The following ERBB4 variants were observed in gnomAD, a reference collection of about 807,000 sequenced individuals.
ERBB4 encodes erb-b2 receptor tyrosine kinase 4.
A neutral mutation model predicts 158.0 loss-of-function variants in ERBB4; 42 were observed. The ratio of observed to expected loss-of-function variants is 0.27; its 90% CI spans 0.21 to 0.34. The LOEUF (loss-of-function observed/expected upper bound fraction) is 0.34, where lower values mean the gene tolerates loss of function less well. ERBB4 is among the 10% of genes least tolerant of loss of function. The probability of loss-of-function intolerance (pLI) is 1.00; values close to 1 mark genes in which losing one functional copy is unlikely to be tolerated. For synonymous variants in ERBB4, 583 were observed against 558.7 expected, an observed-to-expected ratio of 1.04 and a Z score of -0.61; for missense variants, 1,333 against 1,624.1, an observed-to-expected ratio of 0.82 and a Z score of 3.08.
At chr2:211,555,921 A>G (rs979468143) in intron 20 of ERBB4, among the ~76,000 whole-genome samples, 47 of 152,340 alleles carry the variant, frequency 3.1e-4, no homozygotes, top group African/African-American at 1.1e-3. Flanking sequence ...ACAAGTCTGC[A>G]TGATAACCAG....
chr2:212,467,920 T>A (rs1244264359), intron 1 of ERBB4, among the ~76,000 whole-genome samples: 1 of 152,206 alleles, frequency 6.6e-6, no homozygotes, highest in East Asian at 1.9e-4. Flanking sequence ...ACCATTGGAA[T>A]CTACCTCTTG....
chr2:212,214,776 T>C (rs577950480), intron 1 of ERBB4, among the ~76,000 whole-genome samples: 3 of 151,696 alleles, frequency 2.0e-5, no homozygotes, highest in Non-Finnish European at 4.4e-5. Context: ...AGAAATATTC[T>C]ATATGTGGGC....
At chr2:212,317,485 C>T (rs1223338657) in intron 1 of ERBB4, among the ~76,000 whole-genome samples, 1 of 151,642 alleles carries the variant, frequency 6.6e-6, no homozygotes. Context: ...TGAGTACCCA[C>T]AATCAGCATT....
At chr2:211,570,409 AC>A (rs1244483947) in intron 19 of ERBB4, among the ~76,000 whole-genome samples, 9 of 133,934 alleles carry the variant, frequency 6.7e-5, no homozygotes, top group Non-Finnish European at 1.1e-4. Flanking sequence ...CAAGTGATCC[AC>A]CCACCTTGGC....
At chr2:212,280,535 T>A (rs766056944) in intron 1 of ERBB4, among the ~76,000 whole-genome samples, 2 of 151,642 alleles carry the variant, frequency 1.3e-5, no homozygotes, top group African/African-American at 2.4e-5. Context: ...TAAGCCAAAT[T>A]TGGGCCAATC....
At chr2:212,255,278 G>T (rs975684404) in intron 1 of ERBB4, among the ~76,000 whole-genome samples, 3 of 152,102 alleles carry the variant, frequency 2.0e-5, no homozygotes, top group African/African-American at 7.2e-5. Context: ...GTGTATATAT[G>T]AAAGACAGTA....
At chr2:211,950,848 A>ATTT (rs2080856335) in intron 2 of ERBB4, among the ~76,000 whole-genome samples, 2 of 152,244 alleles carry the variant, frequency 1.3e-5, no homozygotes, top group African/African-American at 4.8e-5. Flanking sequence ...CACCGCGTGG[A>ATTT]AAAGTCTAGC....
At chr2:212,376,792 C>T (rs1305035045) in intron 1 of ERBB4, among the ~76,000 whole-genome samples, 1 of 151,910 alleles carries the variant, frequency 6.6e-6, no homozygotes, top group African/African-American at 2.4e-5. Flanking sequence ...TTGACCTTGA[C>T]GGAGATTATC....
In ERBB4 at chr2:211,582,518, T is replaced by G. The variant is rs544259721; in HGVS notation, c.2302-20430A>C. On this transcript the variant is annotated intron_variant, in intron 19 of 27. Coordinates refer to ENST00000342788, the MANE Select transcript of ERBB4 (RefSeq NM_005235.3). ...CTTTTGAAAGTTAAAAAATAAAAAT[T>G]TTAAATTATTAGAAAATGTTTCTGT... Among the ~76,000 whole-genome samples the G allele has an allele frequency of 2.6e-5, 4 of 152,276 alleles. No homozygotes were observed. In the South Asian group the frequency reaches 8.3e-4, roughly 32 times the overall value.
intron 1 of ERBB4, among the ~76,000 whole-genome samples, chr2:212,363,384 A>C (rs911257859): frequency 1.3e-5 from 2 of 151,546 alleles, no homozygotes; most frequent in African/African-American, 4.8e-5. Flanking sequence ...TGACAACAGA[A>C]TCATAGCTAC....
chr2:212,014,498 A>T (rs1433467294), intron 2 of ERBB4, among the ~76,000 whole-genome samples: 2 of 152,210 alleles, frequency 1.3e-5, no homozygotes, highest in African/African-American at 4.8e-5. Context: ...CTGTAGGTAG[A>T]TGCTAAAAAA....
chr2:211,876,257 G>A (rs990655870), intron 3 of ERBB4, among the ~76,000 whole-genome samples: 8 of 151,994 alleles, frequency 5.3e-5, no homozygotes, highest in African/African-American at 9.7e-5. Context: ...CCTTGCACAC[G>A]TCAGTAGGTA....
chr2:212,204,578 T>G lies in ERBB4; in HGVS notation c.83-79675A>C, dbSNP rs187137088. On this transcript the variant is annotated intron_variant, in intron 1 of 27. Coordinates refer to ENST00000342788, the MANE Select transcript of ERBB4 (RefSeq NM_005235.3). Reference sequence around the variant, plus strand: ...CCGGCTTCATGGTACATGCCTTTAGTCCCCGCTACTTGAGATGGGGAGGTA... The same window carrying G: ...CCGGCTTCATGGTACATGCCTTTAGGCCCCGCTACTTGAGATGGGGAGGTA... Among the ~76,000 whole-genome samples the G allele has an allele frequency of 5.6e-3, 843 of 151,750 alleles. 3 individuals are homozygous for G. Among genetic ancestry groups the G allele is most frequent in the Non-Finnish European group, 8.4e-3 (570 of 67,930 alleles).
intron 2 of ERBB4, among the ~76,000 whole-genome samples, chr2:212,059,269 C>A (rs2077681728): frequency 6.6e-6 from 1 of 152,138 alleles, no homozygotes; most frequent in African/African-American, 2.4e-5. Context: ...GAACAACAAA[C>A]CACTGCTCAA....
intron 1 of ERBB4, among the ~76,000 whole-genome samples, chr2:212,430,431 T>G (rs182599856): frequency 6.8e-6 from 1 of 147,662 alleles, no homozygotes; most frequent in Admixed American, 6.7e-5. Flanking sequence ...TTACTTCGCA[T>G]GTTGGTTTTT....
chr2:211,480,532 C>T lies in ERBB4; in HGVS notation c.2488-49432G>A, dbSNP rs575711074. 4.6e-5 allele frequency among the ~76,000 whole-genome samples: 7 copies of T among 152,182 alleles called. No individual in the cohort carries two copies. In the South Asian group the frequency reaches 6.2e-4, roughly 14 times the overall value. ...CCTTCTTTCGTGATTGTAAGTTTCC[C>T]GAGTCCTCCCCAGATATGCTGCCTG... On this transcript the variant is annotated intron_variant, in intron 20 of 27. Transcript: ENST00000342788.
intron 7 of ERBB4, among the ~76,000 whole-genome samples, chr2:211,714,149 C>T (rs540838526): frequency 3.8e-4 from 58 of 152,122 alleles, no homozygotes; most frequent in Middle Eastern, 3.4e-3. Flanking sequence ...TACGAAGAAA[C>T]GAAATAAAAT....
chr2:212,438,713 T>C (rs923197579), intron 1 of ERBB4, among the ~76,000 whole-genome samples: 2 of 152,146 alleles, frequency 1.3e-5, no homozygotes. Context: ...CCCGTTAATC[T>C]GTATATTTAA....
intron 3 of ERBB4, among the ~76,000 whole-genome samples, chr2:211,820,750 C>T (rs1054138044): frequency 1.6e-4 from 25 of 151,824 alleles, no homozygotes; most frequent in African/African-American, 5.1e-4. Context: ...TGATCAAGTG[C>T]GGTTTATTCC....
Sources: allele counts gnomAD v4.1 joint callset (sites outside exome capture counted in the v4.1 genomes callset), GRCh38; gene constraint gnomAD v4.1.1; transcripts MANE v1.5; gene names NCBI Gene and HGNC (gene_info 2026-07-23, HGNC 2026-07-21).